MND1: variants seen among roughly 807,000 people sequenced by gnomAD.
MND1 encodes meiotic nuclear divisions 1, also known as meiotic nuclear division protein 1 homolog.
A neutral mutation model predicts 35.1 loss-of-function variants in MND1; 28 were observed. The ratio of observed to expected loss-of-function variants is 0.80; its 90% CI spans 0.59 to 1.09. The LOEUF (loss-of-function observed/expected upper bound fraction) is 1.09, where lower values mean the gene tolerates loss of function less well. Ranked by LOEUF, MND1 falls within the 50% of genes least tolerant of loss-of-function variation. MND1 has a pLI of 0.00. For missense variants in MND1, 213 were observed against 239.6 expected, an observed-to-expected ratio of 0.89 and a Z score of 0.73; for synonymous variants, 69 against 70.5, an observed-to-expected ratio of 0.98 and a Z score of 0.11.
In MND1 at chr4:153,415,053, G is replaced by A. The variant is rs945455651; in HGVS notation, c.*196G>A. ...GCAGGATGATAACCATATCCCCCCAGTGCTCATCAAAGTAGGACAATAAAA... is the reference window on the plus strand; with the variant it reads ...GCAGGATGATAACCATATCCCCCCAATGCTCATCAAAGTAGGACAATAAAA... On this transcript the variant is annotated 3_prime_UTR_variant, in exon 8 of 8. Transcript: ENST00000240488. The A allele has an allele frequency of 2.9e-6, 1 of 346,042 alleles. No homozygotes were observed. The allele number at this position is 346,042 out of a possible 1,614,324, so 21.4% of individuals were successfully genotyped here. A position where few individuals can be genotyped will look rare whatever the true frequency, so the allele number is the denominator to read the frequency against.
chr4:153,364,908 C>A (rs545868701), intron 4 of MND1, among the ~76,000 whole-genome samples: 5 of 152,138 alleles, frequency 3.3e-5, no homozygotes, highest in African/African-American at 1.2e-4. Flanking sequence ...AATGGATGAA[C>A]CTTGAGGGCA....
chr4:153,348,311 G>A (rs1240465130), intron 1 of MND1, among the ~76,000 whole-genome samples: 2 of 152,150 alleles, frequency 1.3e-5, no homozygotes, highest in Non-Finnish European at 2.9e-5. Flanking sequence ...AAGTTTGTGG[G>A]GAGTAGGTAT....
intron 2 of MND1, among the ~76,000 whole-genome samples, chr4:153,351,576 A>G (rs1048677314): frequency 1.3e-5 from 2 of 152,256 alleles, no homozygotes; most frequent in Admixed American, 1.3e-4. Flanking sequence ...ACTGATGTCA[A>G]AAGTTGATGA....
At chr4:153,407,417 C>T (rs570691185) in intron 6 of MND1, among the ~76,000 whole-genome samples, 3 of 152,088 alleles carry the variant, frequency 2.0e-5, no homozygotes, top group South Asian at 2.1e-4. Flanking sequence ...GAGCCAAGAC[C>T]GCGCTATTGC....
At chr4:153,345,644 C>A in intron 1 of MND1, 1 of 696,628 alleles carries the variant, frequency 1.4e-6, no homozygotes, top group Non-Finnish European at 1.8e-6. Context: ...ATTTTAATAT[C>A]TTCATTTACT....
Position 153,381,686 on chromosome 4 carries a change from ATATATATTTTTTTTTTT to A in MND1, c.277-12574_277-12558del, listed in dbSNP as rs1220795158. ...TAATATAATATATATATATATATAT[ATATATATTTTTTTTTTT>A]TTTTTTTTTTTTTTTTTTTTAAGAG... On this transcript the variant is annotated intron_variant, in intron 4 of 7. Coordinates refer to ENST00000240488, the MANE Select transcript of MND1 (RefSeq NM_032117.4). 4.0e-4 allele frequency: 9 copies of A among 22,518 alleles called. 1 individual carries two copies. The highest frequency in any genetic ancestry group is 3.0e-3 in the East Asian group (2 of 656). The allele number at this position is 22,518 out of a possible 1,614,324, so 1.4% of individuals were successfully genotyped here.
intron 6 of MND1, among the ~76,000 whole-genome samples, chr4:153,407,068 A>G (rs1214637806): frequency 6.6e-6 from 1 of 152,234 alleles, no homozygotes; most frequent in African/African-American, 2.4e-5. Flanking sequence ...GGGTCCTCCC[A>G]CAACACGTGG....
At chr4:153,383,377 T>C (rs1728761885) in intron 4 of MND1, among the ~76,000 whole-genome samples, 1 of 152,172 alleles carries the variant, frequency 6.6e-6, no homozygotes, top group South Asian at 2.1e-4. Context: ...ATCATGTGGA[T>C]TGCAGCTGGG....
intron 4 of MND1, among the ~76,000 whole-genome samples, chr4:153,393,129 AAG>A (rs1187785338): frequency 2.6e-5 from 4 of 152,228 alleles, no homozygotes; most frequent in Middle Eastern, 3.4e-3. Context: ...AAGAAAAAAA[AAG>A]AGAAAAAGAT....
chr4:153,376,566 A>T (rs888810906), intron 4 of MND1, among the ~76,000 whole-genome samples: 2 of 152,184 alleles, frequency 1.3e-5, no homozygotes, highest in African/African-American at 2.4e-5. Flanking sequence ...AGGAAAGAGC[A>T]ATGTTGTAAC....
At chr4:153,380,705 T>C (rs543641519) in intron 4 of MND1, among the ~76,000 whole-genome samples, 1 of 152,336 alleles carries the variant, frequency 6.6e-6, no homozygotes, top group East Asian at 1.9e-4. Flanking sequence ...CCGAATTGTC[T>C]TATTACTTCT....
At chr4:153,357,742 CA>C (rs1410785721) in intron 3 of MND1, among the ~76,000 whole-genome samples, 2 of 152,176 alleles carry the variant, frequency 1.3e-5, no homozygotes, top group African/African-American at 2.4e-5. Flanking sequence ...GGATCAAAAA[CA>C]AAAAACAAAA....
chr4:153,379,448 G>A (rs1025333531), intron 4 of MND1, among the ~76,000 whole-genome samples: 4 of 152,044 alleles, frequency 2.6e-5, no homozygotes, highest in Admixed American at 2.6e-4. Flanking sequence ...GCTCAATCCT[G>A]TAATCCAGTG....
At chr4:153,348,319 T>A (rs183474070) in intron 1 of MND1, among the ~76,000 whole-genome samples, 39 of 152,088 alleles carry the variant, frequency 2.6e-4, no homozygotes, top group African/African-American at 7.0e-4. Context: ...GGGGAGTAGG[T>A]ATGAGAGAGG....
intron 4 of MND1, among the ~76,000 whole-genome samples, chr4:153,358,965 C>T (rs976817205): frequency 7.9e-5 from 12 of 152,150 alleles, no homozygotes; most frequent in Non-Finnish European, 1.2e-4. Flanking sequence ...TTCTCCCTCA[C>T]CACGCACACA....
chr4:153,359,841 G>A (rs1773437739), intron 4 of MND1, among the ~76,000 whole-genome samples: 1 of 141,268 alleles, frequency 7.1e-6, no homozygotes, highest in Non-Finnish European at 1.5e-5. Context: ...AGGCTGGAGT[G>A]CAATGGTGCG....
chr4:153,401,316 G>A (rs146643112), intron 6 of MND1, among the ~76,000 whole-genome samples: 21 of 152,214 alleles, frequency 1.4e-4, no homozygotes, highest in Middle Eastern at 3.4e-3. Context: ...CCTAATATAT[G>A]TGTAATTACA....
chr4:153,392,976 T>C (rs1050212015), intron 4 of MND1, among the ~76,000 whole-genome samples: 1 of 152,028 alleles, frequency 6.6e-6, no homozygotes, highest in Non-Finnish European at 1.5e-5. Flanking sequence ...TTAAAATAGC[T>C]GATTGTGGTG....
intron 6 of MND1, 23 bp downstream of exon 6, chr4:153,397,356 G>A (rs763600337): frequency 1.3e-6 from 2 of 1,541,706 alleles, no homozygotes; most frequent in Admixed American, 3.7e-5. Context: ...CATACCTTAG[G>A]GATCTTTAAC....
Sources: allele counts gnomAD v4.1 joint callset (sites outside exome capture counted in the v4.1 genomes callset), GRCh38; gene constraint gnomAD v4.1.1; transcripts MANE v1.5; gene names NCBI Gene and HGNC (gene_info 2026-07-23, HGNC 2026-07-21).